CTDSPL: variants seen among roughly 807,000 people sequenced by gnomAD.
CTDSPL encodes CTD small phosphatase-like protein.
A neutral mutation model predicts 30.5 loss-of-function variants in CTDSPL; 8 were observed. The observed-to-expected ratio is 0.26, with a 90% confidence interval of 0.15 to 0.47. The LOEUF is 0.47. Ranked by LOEUF, CTDSPL falls within the 20% of genes least tolerant of loss-of-function variation. The pLI, the probability that CTDSPL is intolerant of heterozygous loss-of-function variation, is 0.99. For missense variants in CTDSPL, 248 were observed against 366.1 expected (o/e 0.68, Z 2.63); for synonymous variants, 110 against 137.9 (o/e 0.80, Z 1.42).
intron 2 of CTDSPL, chr3:37,954,775 A>G (rs1356946493): frequency 6.6e-6 from 1 of 152,308 alleles, no homozygotes; most frequent in East Asian, 1.9e-4. Flanking sequence ...AGAAGCCTCC[A>G]GGGGCTGGGA....
chr3:37,942,698 A>G (rs1698992117), intron 1 of CTDSPL, among the ~76,000 whole-genome samples: 1 of 150,366 alleles, frequency 6.7e-6, no homozygotes, highest in Admixed American at 6.7e-5. Flanking sequence ...CTGTTATAAG[A>G]ACTCATTTAA....
At position 37,861,900 on chromosome 3, in the gene CTDSPL, C is replaced by T. The variant is rs1697942820; in HGVS notation, c.-300C>T. The T allele has an allele frequency of 7.1e-6, 1 of 141,560 alleles. No individual in the cohort carries two copies. The highest frequency in any genetic ancestry group is 1.6e-5 in the Non-Finnish European group (1 of 64,250). The allele number at this position is 141,560 out of a possible 1,614,324, so 8.8% of individuals were successfully genotyped here. On this transcript the variant is annotated 5_prime_UTR_variant, in exon 1 of 8. Transcript: ENST00000273179. ...TCGCTCCTTCCCCCTCGCCCGCCCG[C>T]TCCCGCTTCCAGCGGCGCCGGGCCT...
intron 2 of CTDSPL, among the ~76,000 whole-genome samples, chr3:37,956,608 T>C (rs1371418087): frequency 1.3e-5 from 2 of 152,166 alleles, no homozygotes; most frequent in Non-Finnish European, 1.5e-5. Flanking sequence ...AGGGAACTTC[T>C]TGTACCTTGC....
At chr3:37,973,760 G>A (rs1699394045) in intron 6 of CTDSPL, among the ~76,000 whole-genome samples, 4 of 152,196 alleles carry the variant, frequency 2.6e-5, no homozygotes, top group Admixed American at 2.0e-4. Flanking sequence ...TGTGTGCCAG[G>A]CACAGTACTA....
intron 1 of CTDSPL, among the ~76,000 whole-genome samples, chr3:37,888,038 A>G (rs1453602110): frequency 6.6e-6 from 1 of 152,204 alleles, no homozygotes; most frequent in African/African-American, 2.4e-5. Flanking sequence ...GGGTGTTCTG[A>G]AAAGATGTGT....
chr3:37,888,330 C>T (rs1162088635), intron 1 of CTDSPL, among the ~76,000 whole-genome samples: 1 of 152,176 alleles, frequency 6.6e-6, no homozygotes, highest in African/African-American at 2.4e-5. Context: ...CTGAATTTGT[C>T]TCTAGAATTT....
chr3:37,936,945 G>C (rs1698923992), intron 1 of CTDSPL, among the ~76,000 whole-genome samples: 1 of 133,468 alleles, frequency 7.5e-6, no homozygotes, highest in Non-Finnish European at 1.8e-5. Flanking sequence ...TGAGAAAGAA[G>C]CTAGTTTGAG....
Position 37,915,095 on chromosome 3 carries a change from T to C in CTDSPL, c.80-31962T>C, listed in dbSNP as rs184311676. Among the ~76,000 whole-genome samples, 572 of 152,148 alleles carry C rather than the reference T, an allele frequency of 3.8e-3. 4 individuals carry two copies. The highest frequency in any genetic ancestry group is 5.4e-3 in the Non-Finnish European group (367 of 68,008). On this transcript the variant is annotated intron_variant, in intron 1 of 7. Transcript: ENST00000273179. The stretch of plus-strand genomic sequence containing the variant: ...GAGTTTGTTTAACATTGTTATTTGT[T>C]CTTTAAAAGTTTTGACATTTTCTCA...
intron 1 of CTDSPL, among the ~76,000 whole-genome samples, chr3:37,939,190 G>T (rs1182456631): frequency 6.7e-6 from 1 of 150,220 alleles, no homozygotes; most frequent in African/African-American, 2.4e-5. Flanking sequence ...ACCTAAACCA[G>T]TCACAATTTT....
At chr3:37,973,380 G>A (rs1410325270) in intron 6 of CTDSPL, among the ~76,000 whole-genome samples, 1 of 152,208 alleles carries the variant, frequency 6.6e-6, no homozygotes, top group African/African-American at 2.4e-5. Context: ...ACTCTTCCTT[G>A]GCATTGTCCC....
chr3:37,894,487 A>G (rs992074963), intron 1 of CTDSPL, among the ~76,000 whole-genome samples: 11 of 152,002 alleles, frequency 7.2e-5, no homozygotes, highest in African/African-American at 2.7e-4. Context: ...CACTGGAATT[A>G]TTGTTACTTT....
At chr3:37,928,906 G>A (rs1698817296) in intron 1 of CTDSPL, among the ~76,000 whole-genome samples, 1 of 152,084 alleles carries the variant, frequency 6.6e-6, no homozygotes, top group African/African-American at 2.4e-5. Flanking sequence ...GCTTTTTATA[G>A]TTTCAGGTCT....
At position 37,975,528 on chromosome 3, in the gene CTDSPL, A is replaced by G. The variant is rs1265962365; in HGVS notation, c.520-181A>G. On this transcript the variant is annotated intron_variant, in intron 6 of 7. Transcript: ENST00000273179. The surrounding 1 kb of genome is among the most constrained non-coding windows in gnomAD (Gnocchi z 4.9). ...TGACAATTCCTGATGGTTGGATGTG[A>G]GAGAAATGGAAGAATCCAGTGCCAT... Among the ~76,000 whole-genome samples, 1 of 152,192 alleles carries G rather than the reference A, an allele frequency of 6.6e-6. No homozygotes were observed. Among genetic ancestry groups the G allele is most frequent in the Non-Finnish European group, 1.5e-5 (1 of 68,028 alleles).
chr3:37,866,549 G>A (rs1004669718), intron 1 of CTDSPL, among the ~76,000 whole-genome samples: 2 of 151,822 alleles, frequency 1.3e-5, no homozygotes, highest in Non-Finnish European at 2.9e-5. Flanking sequence ...CTCTTTGAAG[G>A]GAAAGAAATA....
chr3:37,890,970 A>G (rs1698318777), intron 1 of CTDSPL, among the ~76,000 whole-genome samples: 1 of 152,234 alleles, frequency 6.6e-6, no homozygotes, highest in South Asian at 2.1e-4. Flanking sequence ...GGAATATGGC[A>G]TCAAATGACA....
At chr3:37,919,398 AT>A (rs1006167412) in intron 1 of CTDSPL, among the ~76,000 whole-genome samples, 1 of 152,230 alleles carries the variant, frequency 6.6e-6, no homozygotes, top group African/African-American at 2.4e-5. Flanking sequence ...GAAAAACAGT[AT>A]TGGAATTTTG....
chr3:37,977,570 T>G (rs530616464), intron 7 of CTDSPL, among the ~76,000 whole-genome samples: 1 of 151,346 alleles, frequency 6.6e-6, no homozygotes, highest in South Asian at 2.1e-4. Context: ...CTTGATTAGA[T>G]TCGATTTTTT....
chr3:37,946,823 C>T (rs1699044462), intron 1 of CTDSPL, among the ~76,000 whole-genome samples: 2 of 152,144 alleles, frequency 1.3e-5, no homozygotes, highest in South Asian at 4.1e-4. Context: ...CAAAGGGATC[C>T]TGTCCAGCCA....
chr3:37,874,459 G>A (rs547928538), intron 1 of CTDSPL, among the ~76,000 whole-genome samples: 50 of 152,264 alleles, frequency 3.3e-4, no homozygotes, highest in African/African-American at 1.2e-3. Context: ...GGCCGGGCGC[G>A]GTGGCTCAAT....
Sources: allele counts gnomAD v4.1 joint callset (sites outside exome capture counted in the v4.1 genomes callset), GRCh38; gene constraint gnomAD v4.1.1; non-coding constraint Gnocchi (gnomAD v3.1); transcripts MANE v1.5; gene names NCBI Gene and HGNC (gene_info 2026-07-23, HGNC 2026-07-21).